The following ARHGAP15 variants were observed in gnomAD, a reference collection of about 807,000 sequenced individuals.
ARHGAP15 encodes the protein rho GTPase-activating protein 15.
In ARHGAP15, 51 loss-of-function variants were observed where a neutral mutation model predicts 63.7. The ratio of observed to expected loss-of-function variants is 0.80; its 90% CI spans 0.64 to 1.01. The LOEUF (loss-of-function observed/expected upper bound fraction) is 1.01. ARHGAP15 is among the 50% of genes least tolerant of loss of function. The probability of loss-of-function intolerance (pLI) is 0.00; values close to 1 mark genes in which losing one functional copy is unlikely to be tolerated. For synonymous variants in ARHGAP15, 191 were observed against 193.8 expected (o/e 0.99, Z 0.12); for missense variants, 560 against 564.6 (o/e 0.99, Z 0.08).
intron 2 of ARHGAP15, among the ~76,000 whole-genome samples, chr2:143,197,710 G>A (rs888196552): frequency 8.6e-5 from 13 of 151,904 alleles, no homozygotes; most frequent in Non-Finnish European, 1.9e-4. Context: ...GGTGATGAAA[G>A]CTCTCTTTTT....
In ARHGAP15 at chr2:143,658,679, C is replaced by T. The variant is rs1426784992; in HGVS notation, c.1138+34412C>T. ...TGCCACCTGTAGAGCTGGCTTCATC[C>T]TAATGCTGATTGCAGCATTGTGGAG... is the stretch of plus-strand genomic sequence containing the variant. On this transcript the variant is annotated intron_variant, in intron 12 of 13. Coordinates refer to ENST00000295095, the MANE Select transcript of ARHGAP15 (RefSeq NM_018460.4). Among the ~76,000 whole-genome samples, 7 of 152,288 alleles carry T rather than the reference C, an allele frequency of 4.6e-5. No homozygotes were observed. The South Asian group carries it at 8.3e-4, about 18-fold the overall frequency.
chr2:143,599,738 T>C (rs1445277600), intron 11 of ARHGAP15, among the ~76,000 whole-genome samples: 1 of 152,202 alleles, frequency 6.6e-6, no homozygotes, highest in East Asian at 1.9e-4. Context: ...ATTTCTAGTC[T>C]AATCTATGCT....
At chr2:143,311,671 C>T (rs745851493) in intron 6 of ARHGAP15, among the ~76,000 whole-genome samples, 2 of 152,078 alleles carry the variant, frequency 1.3e-5, no homozygotes, top group Non-Finnish European at 2.9e-5. Flanking sequence ...AAAACTGCCT[C>T]ATTCAGGACC....
chr2:143,602,308 A>G (rs191352228), intron 11 of ARHGAP15, among the ~76,000 whole-genome samples: 1 of 152,322 alleles, frequency 6.6e-6, no homozygotes, highest in South Asian at 2.1e-4. Flanking sequence ...TTTATAAGAC[A>G]TGCATTTAGA....
intron 6 of ARHGAP15, among the ~76,000 whole-genome samples, chr2:143,270,571 C>G (rs1287038017): frequency 6.6e-6 from 1 of 152,168 alleles, no homozygotes; most frequent in Non-Finnish European, 1.5e-5. Context: ...ATGAATTGCT[C>G]TTCTAATGTT....
intron 6 of ARHGAP15, among the ~76,000 whole-genome samples, chr2:143,329,121 G>A (rs1684390066): frequency 6.6e-6 from 1 of 152,204 alleles, no homozygotes; most frequent in South Asian, 2.1e-4. Flanking sequence ...AGTAAGGTGT[G>A]GCAGGTGAAT....
At chr2:143,755,094 C>G (rs1686523502) in intron 13 of ARHGAP15, among the ~76,000 whole-genome samples, 1 of 152,166 alleles carries the variant, frequency 6.6e-6, no homozygotes, top group Non-Finnish European at 1.5e-5. Flanking sequence ...AGAATGCTCA[C>G]TCTTTCATCA....
At chr2:143,621,680 A>AG (rs1698653419) in intron 11 of ARHGAP15, among the ~76,000 whole-genome samples, 2 of 152,202 alleles carry the variant, frequency 1.3e-5, no homozygotes, top group South Asian at 4.1e-4. Context: ...TCTTGGTTTA[A>AG]GGGACACAGT....
chr2:143,702,699 G>A (rs1046984007), intron 12 of ARHGAP15, among the ~76,000 whole-genome samples: 1 of 152,098 alleles, frequency 6.6e-6, no homozygotes, highest in Non-Finnish European at 1.5e-5. Context: ...GGTATCCCTA[G>A]AGGCTCTGTC....
At chr2:143,479,327 A>C (rs543916155) in intron 8 of ARHGAP15, among the ~76,000 whole-genome samples, 1 of 147,316 alleles carries the variant, frequency 6.8e-6, no homozygotes, top group East Asian at 2.0e-4. Flanking sequence ...CACGCCTACA[A>C]CTCTTTTTGG....
At chr2:143,200,054 T>C (rs1056405361) in intron 2 of ARHGAP15, among the ~76,000 whole-genome samples, 3 of 152,076 alleles carry the variant, frequency 2.0e-5, no homozygotes, top group Non-Finnish European at 4.4e-5. Flanking sequence ...AAAGGAAAAA[T>C]AGGTAAACAG....
chr2:143,754,906 T>C (rs1437615268), intron 13 of ARHGAP15, among the ~76,000 whole-genome samples: 1 of 152,222 alleles, frequency 6.6e-6, no homozygotes, highest in Non-Finnish European at 1.5e-5. Flanking sequence ...GCAACTCAAC[T>C]GCCTTGCCTT....
chr2:143,367,259 G>C (rs979131939), intron 6 of ARHGAP15, among the ~76,000 whole-genome samples: 4 of 151,810 alleles, frequency 2.6e-5, no homozygotes, highest in Non-Finnish European at 4.4e-5. Flanking sequence ...CTCTACCTTT[G>C]CTGTCAATAA....
intron 6 of ARHGAP15, among the ~76,000 whole-genome samples, chr2:143,412,332 G>A (rs182329049): frequency 4.7e-5 from 7 of 150,186 alleles, no homozygotes; most frequent in Middle Eastern, 3.4e-3. Context: ...GAAAATATCT[G>A]GTTGGACTTT....
chr2:143,393,726 TAAAAA>T (rs10593584), intron 6 of ARHGAP15, among the ~76,000 whole-genome samples: 7 of 61,444 alleles, frequency 1.1e-4, no homozygotes, highest in African/African-American at 1.9e-4. Flanking sequence ...AGACTCTGTC[TAAAAA>T]AAAAAAAAAA....
At chr2:143,203,843 C>T (rs1692222210) in intron 3 of ARHGAP15, among the ~76,000 whole-genome samples, 1 of 152,040 alleles carries the variant, frequency 6.6e-6, no homozygotes, top group South Asian at 2.1e-4. Context: ...CTAGCCAGTT[C>T]TAAATTTCTA....
chr2:143,340,528 T>C (rs1574302038), intron 6 of ARHGAP15, among the ~76,000 whole-genome samples: 1 of 10,124 alleles, frequency 9.9e-5, no homozygotes, highest in Non-Finnish European at 4.4e-4. Context: ...ATTTTTTCTC[T>C]TTTTTTTTTT....
At chr2:143,231,773 G>A (rs1197510055) in intron 5 of ARHGAP15, among the ~76,000 whole-genome samples, 3 of 152,158 alleles carry the variant, frequency 2.0e-5, no homozygotes, top group Admixed American at 2.0e-4. Flanking sequence ...GTCCACGATC[G>A]AGGCACAGGT....
At chr2:143,766,006 G>A (rs750634806) in intron 13 of ARHGAP15, among the ~76,000 whole-genome samples, 6 of 152,170 alleles carry the variant, frequency 3.9e-5, no homozygotes, top group Non-Finnish European at 5.9e-5. Context: ...CACAGTATGT[G>A]CCATGAGCTT....
Sources: allele counts gnomAD v4.1 joint callset (sites outside exome capture counted in the v4.1 genomes callset), GRCh38; gene constraint gnomAD v4.1.1; transcripts MANE v1.5; gene names NCBI Gene and HGNC (gene_info 2026-07-23, HGNC 2026-07-21).